Variants in SPECC1 observed in about 807,000 individuals in gnomAD.
The protein encoded by SPECC1 is cytospin-B.
Under a neutral mutation model 104.1 loss-of-function variants are expected in SPECC1, and 62 were observed. The ratio of observed to expected loss-of-function variants is 0.60; its 90% CI spans 0.49 to 0.74. The LOEUF is 0.74. Ranked by LOEUF, SPECC1 falls within the 30% of genes least tolerant of loss-of-function variation. SPECC1 has a pLI of 0.00. For missense variants in SPECC1, 1,306 were observed against 1,310.5 expected (o/e 1.00, Z 0.05); for synonymous variants, 513 against 501.6 (o/e 1.02, Z -0.30).
chr17:20,243,674 C>G (rs1434088307), intron 7 of SPECC1, among the ~76,000 whole-genome samples: 1 of 152,008 alleles, frequency 6.6e-6, no homozygotes, highest in Non-Finnish European at 1.5e-5. Context: ...GCCAAGTAGA[C>G]TTAGTGTTTG....
Position 20,302,428 on chromosome 17 carries a change from C to T in SPECC1, c.3058-3595C>T, listed in dbSNP as rs142761576. 5.6e-3 allele frequency among the ~76,000 whole-genome samples: 848 copies of T among 152,272 alleles called. 3 individuals carry two copies. Among genetic ancestry groups the T allele is most frequent in the African/African-American group, 0.018 (745 of 41,574 alleles). On this transcript the variant is annotated intron_variant, in intron 13 of 14. Transcript: ENST00000395527. ...GAGGCCCTTCGGAGCTGCTGCTTGTCTGTGGCTTCTGCCTCCCAGGTGGCC... is the reference window on the plus strand; with the variant it reads ...GAGGCCCTTCGGAGCTGCTGCTTGTTTGTGGCTTCTGCCTCCCAGGTGGCC...
At chr17:20,095,875 G>C (rs71369456) in intron 1 of SPECC1, 20 of 152,682 alleles carry the variant, frequency 1.3e-4, no homozygotes, top group Non-Finnish European at 2.8e-4. Context: ...ATCCAGTCCT[G>C]TTATGTTATT....
At chr17:20,253,735 T>C in intron 10 of SPECC1, 149 bp downstream of exon 10, 2 of 745,774 alleles carry the variant, frequency 2.7e-6, no homozygotes, top group Non-Finnish European at 4.4e-6. Flanking sequence ...ATATCATGAA[T>C]GTTAGATGCA....
intron 1 of SPECC1, among the ~76,000 whole-genome samples, chr17:20,078,890 T>C (rs1361952207): frequency 6.6e-6 from 1 of 152,244 alleles, no homozygotes; most frequent in Non-Finnish European, 1.5e-5. Flanking sequence ...TTGCTAGATA[T>C]ACTTCTGTGT....
Position 20,204,398 on chromosome 17 carries a change from A to T in SPECC1, c.349A>T (p.Arg117Ter), listed in dbSNP as rs780023315. 3.7e-6 allele frequency: 6 copies of T among 1,614,126 alleles called. No individual in the cohort carries two copies. Among genetic ancestry groups the T allele is most frequent in the Non-Finnish European group, 5.1e-6 (6 of 1,180,012 alleles). ...APREFSVTVS[R>*]ERSVPRGPSN... ...ACGGGAATTTTCAGTAACTGTCTCA[A>T]GAGAGAGGTCTGTGCCACGTGGTCC... Residue 117 changes from arginine to a stop codon, truncating the protein, a stop_gained, in exon 4 of 15, where the codon AGA becomes TGA. Coordinates refer to ENST00000395527, the MANE Select transcript of SPECC1 (RefSeq NM_001243439.2). LOFTEE classifies it high-confidence loss of function.
rs573822091 is a variant in SPECC1, at chr17:20,102,001, T to C, written c.147+5203T>C. Reference sequence around the variant, plus strand: ...CCTTTTATATACTTTCTTATACAGGTGGTTGGCAGCTTAAATATCAGTGAA... The same window carrying C: ...CCTTTTATATACTTTCTTATACAGGCGGTTGGCAGCTTAAATATCAGTGAA... On this transcript the variant is annotated intron_variant, in intron 2 of 14. Transcript: ENST00000395527. Among the ~76,000 whole-genome samples, 248 of 152,344 alleles carry C rather than the reference T, an allele frequency of 1.6e-3. 1 individual carries two copies. The highest frequency in any genetic ancestry group is 1.7e-3 in the Non-Finnish European group (115 of 68,030).
At chr17:20,126,889 C>G (rs1293880906) in intron 3 of SPECC1, among the ~76,000 whole-genome samples, 1 of 152,166 alleles carries the variant, frequency 6.6e-6, no homozygotes, top group Non-Finnish European at 1.5e-5. Flanking sequence ...TAAATGCCTT[C>G]TAGGCATGCT....
At chr17:20,211,536 G>C (rs772813604) in intron 4 of SPECC1, among the ~76,000 whole-genome samples, 1 of 152,268 alleles carries the variant, frequency 6.6e-6, no homozygotes, top group Non-Finnish European at 1.5e-5. Flanking sequence ...ATTAGGAGCG[G>C]AATCTTCTAG....
At chr17:20,143,686 A>T (rs1484959256) in intron 3 of SPECC1, among the ~76,000 whole-genome samples, 2 of 152,260 alleles carry the variant, frequency 1.3e-5, no homozygotes, top group East Asian at 1.9e-4. Flanking sequence ...AAACAAAAAA[A>T]CAACCAGTGT....
At position 20,253,512 on chromosome 17, in the gene SPECC1, C is replaced by A; in HGVS notation, c.2606C>A (p.Ser869Ter). The change falls in exon 10 of 15, where the codon TCG (serine) becomes TAG (stop). Residue 869 changes from serine to a stop codon, truncating the protein, a stop_gained. Transcript: ENST00000395527. LOFTEE classifies it high-confidence loss of function. ...TCCCCCTGGTTTTTACAGAGGCATTCGACTTACAGCAGTGTGCGGCCAGCC... is the reference window on the plus strand; with the variant it reads ...TCCCCCTGGTTTTTACAGAGGCATTAGACTTACAGCAGTGTGCGGCCAGCC... Reference protein sequence around the residue: ...AAAVSPMQRHSTYSSVRPASR... With the variant: ...AAAVSPMQRH 1.2e-6 allele frequency: 2 copies of A among 1,613,932 alleles called. No individual in the cohort carries two copies. Among genetic ancestry groups the A allele is most frequent in the Non-Finnish European group, 1.7e-6 (2 of 1,180,016 alleles).
chr17:20,221,881 A>C (rs2151433360), intron 4 of SPECC1, among the ~76,000 whole-genome samples: 1 of 152,126 alleles, frequency 6.6e-6, no homozygotes, highest in South Asian at 2.1e-4. Flanking sequence ...TTTCTTCTTA[A>C]TTCCTTCATT....
At chr17:20,170,012 A>G (rs572386418) in intron 3 of SPECC1, among the ~76,000 whole-genome samples, 1 of 152,348 alleles carries the variant, frequency 6.6e-6, no homozygotes, top group East Asian at 1.9e-4. Flanking sequence ...GGTTCCAGGT[A>G]TCCTGAAGAC....
chr17:20,051,316 C>T (rs960848015), intron 1 of SPECC1, among the ~76,000 whole-genome samples: 5 of 151,866 alleles, frequency 3.3e-5, no homozygotes, highest in Admixed American at 6.6e-5. Context: ...GCTGGGGTTA[C>T]AGGGACCTGC....
intron 13 of SPECC1, among the ~76,000 whole-genome samples, chr17:20,299,055 CA>C (rs1335081862): frequency 2.0e-5 from 3 of 151,062 alleles, no homozygotes; most frequent in African/African-American, 7.3e-5. Flanking sequence ...TAGAAGCTAG[CA>C]AGTCCAGCAT....
At chr17:20,094,256 G>T (rs2047541418) in intron 1 of SPECC1, among the ~76,000 whole-genome samples, 1 of 152,092 alleles carries the variant, frequency 6.6e-6, no homozygotes, top group Non-Finnish European at 1.5e-5. Flanking sequence ...CAAGAGAAAG[G>T]GACCCTGATG....
chr17:20,111,928 T>A (rs1013237956), intron 3 of SPECC1: 42 of 790,924 alleles, frequency 5.3e-5, no homozygotes, highest in Admixed American at 1.4e-4. Context: ...GTGGTAAACT[T>A]GGCATAAAAG....
chr17:20,237,899 C>T (rs2151505945), intron 7 of SPECC1: 1 of 373,534 alleles, frequency 2.7e-6, no homozygotes, highest in East Asian at 8.5e-5. Flanking sequence ...TGTGCCGTCA[C>T]TCCTGGCTAA....
chr17:20,184,255 G>A (rs2035112056), intron 3 of SPECC1, among the ~76,000 whole-genome samples: 1 of 150,524 alleles, frequency 6.6e-6, no homozygotes, highest in Non-Finnish European at 1.5e-5. Flanking sequence ...GCTATTTCCT[G>A]AAGCTATGAC....
At chr17:20,270,506 C>A (rs1221214183) in intron 12 of SPECC1, among the ~76,000 whole-genome samples, 2 of 141,458 alleles carry the variant, frequency 1.4e-5, no homozygotes, top group Non-Finnish European at 3.0e-5. Flanking sequence ...GTGATTCCAG[C>A]TATTCAGGAG....
Sources: gnomAD v4.1 joint callset for allele counts (sites outside exome capture counted in the v4.1 genomes callset) on GRCh38, gnomAD v4.1.1 for gene constraint, MANE v1.5 for transcripts, NCBI Gene and HGNC (gene_info 2026-07-23, HGNC 2026-07-21) for gene names.